Variants in COL6A3 observed in about 807,000 individuals in gnomAD.
COL6A3 encodes the protein collagen type VI alpha 3 chain.
In COL6A3, 137 loss-of-function variants were observed where a neutral mutation model predicts 274.1. That is an observed-to-expected ratio of 0.50 (90% CI 0.44 to 0.58). COL6A3 has a LOEUF of 0.58. Ranked by LOEUF, COL6A3 falls within the 20% of genes least tolerant of loss-of-function variation. The pLI, the probability that COL6A3 is intolerant of heterozygous loss-of-function variation, is 0.00. For synonymous variants in COL6A3, 1,650 were observed against 1,650.6 expected, an observed-to-expected ratio of 1.00 and a Z score of 0.01; for missense variants, 3,950 against 4,124.9, an observed-to-expected ratio of 0.96 and a Z score of 1.16.
At chr2:237,395,236 T>C in intron 2 of COL6A3, 32 bp from the exon 3 acceptor site, 1 of 1,610,540 alleles carries the variant, frequency 6.2e-7, no homozygotes, top group Non-Finnish European at 8.5e-7. Context: ...TAGATTTTTC[T>C]ACTATGTAAG....
rs1374651831 is a variant in COL6A3, at chr2:237,368,379, G to A, written c.4900+184C>T. Among the ~76,000 whole-genome samples, 1 of 152,178 alleles carries A rather than the reference G, an allele frequency of 6.6e-6. No homozygotes were observed. The highest frequency in any genetic ancestry group is 1.5e-5 in the Non-Finnish European group (1 of 68,038). ...ATGATTAGTCTCAGGAGTGATGGAA[G>A]ATCAATAATATGCTTCCTTCTGCAA... On this transcript the variant is annotated intron_variant, in intron 10 of 43. Coordinates refer to ENST00000295550, the MANE Select transcript of COL6A3 (RefSeq NM_004369.4). The surrounding 1 kb of genome is among the most constrained non-coding windows in gnomAD (Gnocchi z 4.4).
intron 24 of COL6A3, among the ~76,000 whole-genome samples, chr2:237,353,873 C>T (rs1167647914): frequency 1.3e-5 from 2 of 152,116 alleles, no homozygotes; most frequent in South Asian, 2.1e-4. Flanking sequence ...CCTCGGGAGC[C>T]AGAACAGCCC....
In COL6A3 at chr2:237,371,902, T is replaced by A. The variant is rs1353051424; in HGVS notation, c.4115A>T (p.Asn1372Ile). Residue 1372 changes from asparagine to isoleucine, a missense_variant, in exon 9 of 44, where the codon AAC becomes ATC. Asn to Ile is a moderately radical substitution (Grantham distance 149). Transcript: ENST00000295550. This position sits in a 1 kb window ranked among gnomAD's most constrained non-coding sequence, Gnocchi z 4.3. Reference protein sequence around the residue: ...FGVAPFTIARNADQEELVKIS... With the variant: ...FGVAPFTIARIADQEELVKIS... ...CTTCACCAGCTCCTCCTGGTCTGCG[T>A]TCCTGGCGATCGTGAAAGGGGCCAC... The A allele has an allele frequency of 1.2e-6, 2 of 1,613,632 alleles. No homozygotes were observed. Among genetic ancestry groups the A allele is most frequent in the South Asian group, 2.2e-5 (2 of 91,048 alleles).
At chr2:237,387,204 C>T (rs1300621615) in intron 4 of COL6A3, among the ~76,000 whole-genome samples, 1 of 152,156 alleles carries the variant, frequency 6.6e-6, no homozygotes, top group South Asian at 2.1e-4. Flanking sequence ...GAGCTCAATG[C>T]CATAGTCCTG....
intron 31 of COL6A3, among the ~76,000 whole-genome samples, chr2:237,347,137 T>A (rs1392454705): frequency 6.6e-6 from 1 of 151,914 alleles, no homozygotes; most frequent in East Asian, 1.9e-4. Context: ...TGGCCAGGTG[T>A]GGTGTCTCAT....
chr2:237,341,170 C>T lies in COL6A3; in HGVS notation c.7766-20G>A, dbSNP rs1479139087. 3 of 1,609,698 alleles carry T rather than the reference C, an allele frequency of 1.9e-6. No homozygotes were observed. In the African/African-American group the frequency reaches 4.0e-5, roughly 22 times the overall value. On this transcript the variant is annotated intron_variant, in intron 37 of 43. Coordinates refer to ENST00000295550, the MANE Select transcript of COL6A3 (RefSeq NM_004369.4). ...AGATGTCTAGAAAGAAGCATGGCAG[C>T]CTATTTGTTCTGTGACACCCACAGC...
At position 237,374,800 on chromosome 2, in the gene COL6A3, C is replaced by T. The variant is rs1271298692; in HGVS notation, c.3291G>A (p.Gln1097=). ...GGGTCGGCCCTCCCAGCAGGGTCAGCTGGCGGACAGCGTTGACGACGTCCT... is the reference window on the plus strand; with the variant it reads ...GGGTCGGCCCTCCCAGCAGGGTCAGTTGGCGGACAGCGTTGACGACGTCCT... ...NKQDVVNAVR[Q]LTLLGGPTPN... Residue 1097 remains glutamine (Q), a synonymous_variant, in exon 8 of 44, where the codon CAG becomes CAA. Coordinates refer to ENST00000295550, the MANE Select transcript of COL6A3 (RefSeq NM_004369.4). This position sits in a 1 kb window ranked among gnomAD's most constrained non-coding sequence, Gnocchi z 4.8. 1 of 1,614,120 alleles carries T rather than the reference C, an allele frequency of 6.2e-7. No individual in the cohort carries two copies. Among genetic ancestry groups the T allele is most frequent in the Non-Finnish European group, 8.5e-7 (1 of 1,180,014 alleles).
chr2:237,331,334 T>A (rs1020054156), intron 42 of COL6A3, among the ~76,000 whole-genome samples: 3 of 151,854 alleles, frequency 2.0e-5, no homozygotes, highest in East Asian at 1.9e-4. Flanking sequence ...CATTAAAAAA[T>A]TTTCCCCCCA....
chr2:237,391,761 A>G (rs1185357210), intron 3 of COL6A3, among the ~76,000 whole-genome samples: 1 of 152,110 alleles, frequency 6.6e-6, no homozygotes, highest in African/African-American at 2.4e-5. Flanking sequence ...CTGACCTCAG[A>G]TGATCCTCCC....
Position 237,377,252 on chromosome 2 carries a change from C to G in COL6A3, c.2590G>C (p.Asp864His). The change falls in exon 7 of 44, where the codon GAT becomes CAT. Residue 864 changes from aspartate to histidine, a missense_variant. Physicochemically the swap from Asp to His is moderately conservative, Grantham distance 81 (BLOSUM62 -1). This residue lies in a region of COL6A3 where 1,934 missense variants were observed against 1,984.3 expected (regional missense o/e 0.97). Transcript: ENST00000295550. ...CCCTCTGGCTTCACATTGAGCTCAT[C>G]GATAATCTTGTAGAGAAAGTCACGG... ...VVRDFLYKII[D>H]ELNVKPEGTR... is the part of the protein sequence containing the mutation. 4 of 1,610,852 alleles carry G rather than the reference C, an allele frequency of 2.5e-6. No homozygotes were observed. Among genetic ancestry groups the G allele is most frequent in the Non-Finnish European group, 3.4e-6 (4 of 1,180,008 alleles).
chr2:237,366,570 A>G, intron 11 of COL6A3, 117 bp downstream of exon 11: 2 of 1,502,044 alleles, frequency 1.3e-6, no homozygotes, highest in South Asian at 2.3e-5. Context: ...GTATAAGTAA[A>G]TGTATGAAGC....
At chr2:237,331,125 A>G (rs191704072) in intron 42 of COL6A3, among the ~76,000 whole-genome samples, 4 of 152,354 alleles carry the variant, frequency 2.6e-5, no homozygotes, top group Admixed American at 6.5e-5. Context: ...TATAAAAAAT[A>G]TATTTTTAAA....
At chr2:237,353,640 A>T (rs2106334785) in intron 24 of COL6A3, among the ~76,000 whole-genome samples, 1 of 152,286 alleles carries the variant, frequency 6.6e-6, no homozygotes, top group South Asian at 2.1e-4. Context: ...CTCCTCGGAC[A>T]GCTTTGTGAA....
At chr2:237,325,940 A>T (rs574828044) in intron 42 of COL6A3, 2 of 484,818 alleles carry the variant, frequency 4.1e-6, no homozygotes, top group African/African-American at 3.8e-5. Flanking sequence ...AGATGAAATT[A>T]TATCAATGAA....
chr2:237,354,855 GGCT>G, intron 24 of COL6A3, 41 bp downstream of exon 24: 1 of 1,586,458 alleles, frequency 6.3e-7, no homozygotes, highest in Non-Finnish European at 8.6e-7. Flanking sequence ...GCGGCATCTG[GGCT>G]GTTTGAAGAG....
chr2:237,365,854 G>A lies in COL6A3; in HGVS notation c.5682C>T (p.Pro1894=). 6.2e-7 allele frequency: 1 copy of A among 1,614,216 alleles called. No individual in the cohort carries two copies. Among genetic ancestry groups the A allele is most frequent in the Non-Finnish European group, 8.5e-7 (1 of 1,180,042 alleles). ...AGTCAAAGGCCTCCACCGGGCCCGAGGGCGTGTTGGCCACCACTGACACAC... is the reference window on the plus strand; with the variant it reads ...AGTCAAAGGCCTCCACCGGGCCCGAAGGCGTGTTGGCCACCACTGACACAC... ...TVRVSVVANT[P]SGPVEAFDFD... The change falls in exon 12 of 44, where the codon CCC becomes CCT. Residue 1894 remains proline (P), a synonymous_variant. Transcript: ENST00000295550.
chr2:237,359,915 C>G (rs979289727), intron 17 of COL6A3, among the ~76,000 whole-genome samples, 173 bp downstream of exon 17: 1 of 152,206 alleles, frequency 6.6e-6, no homozygotes, highest in African/African-American at 2.4e-5. Context: ...CCAGCTGCAG[C>G]CCCTGCTCCT....
chr2:237,396,775 G>A lies in COL6A3; in HGVS notation c.43C>T (p.Leu15Phe). The stretch of plus-strand genomic sequence containing the variant: ...GTTGTAGGAAAGCCTGAGAGAAAGA[G>A]GCAAAAGACGGCCACTAAGGGCAAG... Reference protein sequence around the residue: ...RHLPLVAVFCLFLSGFPTTHA... With the variant: ...RHLPLVAVFCFFLSGFPTTHA... The change falls in exon 2 of 44, where the codon CTC (leucine) becomes TTC (phenylalanine). Residue 15 changes from leucine to phenylalanine, a missense_variant. Physicochemically the swap from Leu to Phe is conservative, Grantham distance 22. This residue lies in a region of COL6A3 where 1,934 missense variants were observed against 1,984.3 expected (regional missense o/e 0.97). Coordinates refer to ENST00000295550, the MANE Select transcript of COL6A3 (RefSeq NM_004369.4). 1 of 1,614,162 alleles carries A rather than the reference G, an allele frequency of 6.2e-7. No homozygotes were observed. The highest frequency in any genetic ancestry group is 8.5e-7 in the Non-Finnish European group (1 of 1,180,020).
intron 24 of COL6A3, 126 bp downstream of exon 24, chr2:237,354,773 T>G: frequency 1.2e-6 from 1 of 811,652 alleles, no homozygotes; most frequent in Admixed American, 2.8e-5. Flanking sequence ...GAAATCAACT[T>G]TCTAAATTGA....
Sources: allele counts gnomAD v4.1 joint callset (sites outside exome capture counted in the v4.1 genomes callset), GRCh38; gene constraint gnomAD v4.1.1; regional missense constraint gnomAD v4.1.1; non-coding constraint Gnocchi (gnomAD v3.1); transcripts MANE v1.5; gene names NCBI Gene and HGNC (gene_info 2026-07-23, HGNC 2026-07-21).